The following THADA variants were observed in gnomAD, a reference collection of about 807,000 sequenced individuals.
THADA encodes THADA armadillo repeat containing.
THADA carries 213 observed loss-of-function variants against 219.8 expected under a neutral mutation model. That is an observed-to-expected ratio of 0.97 (90% CI 0.87 to 1.09). The LOEUF (loss-of-function observed/expected upper bound fraction) is 1.09. THADA is among the 50% of genes least tolerant of loss of function. THADA has a pLI of 0.00. For missense variants in THADA, 2,956 were observed against 2,311.3 expected (o/e 1.28, Z -5.72); for synonymous variants, 1,018 against 828.9 (o/e 1.23, Z -3.92).
intron 26 of THADA, among the ~76,000 whole-genome samples, chr2:43,463,493 T>C (rs1023944319): frequency 6.6e-6 from 1 of 152,248 alleles, no homozygotes; most frequent in Non-Finnish European, 1.5e-5. Flanking sequence ...ATGTTTGTTC[T>C]AGCTGTTCTA....
Position 43,308,758 on chromosome 2 carries a change from C to CAAAAA in THADA, c.4438+11683_4438+11687dup, listed in dbSNP as rs57697839. Among the ~76,000 whole-genome samples the CAAAAA allele has an allele frequency of 8.1e-4, 41 of 50,864 alleles. 14 individuals carry two copies. Among genetic ancestry groups the CAAAAA allele is most frequent in the East Asian group, 2.2e-3 (2 of 910 alleles). The allele number at this position is 50,864 out of a possible 152,430, so 33.4% of individuals were successfully genotyped here. On this transcript the variant is annotated intron_variant, in intron 31 of 37. Transcript: ENST00000405975. ...GTGCTGAAACATTGGATACCCATACCAAAAAAAAAAAAAAAAAAAAAAAAA... is the reference window on the plus strand; with the variant it reads ...GTGCTGAAACATTGGATACCCATACCAAAAAAAAAAAAAAAAAAAAAAAAAAAAAA...
chr2:43,501,969 T>A (rs6544664), intron 24 of THADA, among the ~76,000 whole-genome samples: 21,469 of 151,796 alleles, frequency 0.14, 2,034 homozygotes, highest in African/African-American at 0.27. Context: ...AAAATAAAAC[T>A]GTGGTTTTGC....
intron 36 of THADA, among the ~76,000 whole-genome samples, chr2:43,268,486 TG>T (rs1479005617): frequency 6.6e-6 from 1 of 152,178 alleles, no homozygotes; most frequent in Non-Finnish European, 1.5e-5. Context: ...TGAGAGGTCT[TG>T]CCATGGGGAC....
chr2:43,488,463 T>TAG, intron 25 of THADA, among the ~76,000 whole-genome samples: 1 of 152,188 alleles, frequency 6.6e-6, no homozygotes, highest in Non-Finnish European at 1.5e-5. Context: ...TTCTTTCACC[T>TAG]AGCATAATGT....
intron 30 of THADA, among the ~76,000 whole-genome samples, chr2:43,322,938 G>A (rs1186409748): frequency 5.3e-5 from 8 of 151,724 alleles, no homozygotes; most frequent in African/African-American, 1.9e-4. Flanking sequence ...CACCTGCCTC[G>A]GCCTCCCAAA....
At chr2:43,459,480 C>T (rs1449991314) in intron 26 of THADA, among the ~76,000 whole-genome samples, 1 of 152,090 alleles carries the variant, frequency 6.6e-6, no homozygotes, top group Non-Finnish European at 1.5e-5. Flanking sequence ...AGATAAAACA[C>T]TGAATGAGGC....
At chr2:43,375,389 T>C (rs1013796444) in intron 29 of THADA, among the ~76,000 whole-genome samples, 2 of 152,230 alleles carry the variant, frequency 1.3e-5, no homozygotes, top group African/African-American at 2.4e-5. Flanking sequence ...GATCACAAAC[T>C]GTATACCAAG....
At chr2:43,487,430 T>G (rs1687047426) in intron 25 of THADA, among the ~76,000 whole-genome samples, 1 of 152,326 alleles carries the variant, frequency 6.6e-6, no homozygotes, top group South Asian at 2.1e-4. Flanking sequence ...TGTAGAGGAC[T>G]ATTTTACAAA....
intron 21 of THADA, among the ~76,000 whole-genome samples, chr2:43,533,123 A>G (rs1694104499): frequency 1.3e-5 from 2 of 152,254 alleles, no homozygotes; most frequent in Admixed American, 1.3e-4. Context: ...TATGCAGCTA[A>G]CAAATATATG....
chr2:43,361,745 T>C (rs1411878033), intron 29 of THADA, among the ~76,000 whole-genome samples: 1 of 152,256 alleles, frequency 6.6e-6, no homozygotes, highest in East Asian at 1.9e-4. Context: ...GGATAAATTA[T>C]GATTATCCCT....
At chr2:43,468,596 C>T (rs1243841276) in intron 26 of THADA, among the ~76,000 whole-genome samples, 1 of 152,146 alleles carries the variant, frequency 6.6e-6, no homozygotes, top group Admixed American at 6.5e-5. Context: ...CTCACTGCTA[C>T]CAAAGCTACT....
chr2:43,525,899 G>C (rs1693111465), intron 22 of THADA, among the ~76,000 whole-genome samples: 1 of 152,144 alleles, frequency 6.6e-6, no homozygotes, highest in South Asian at 2.1e-4. Context: ...CATCACCTCA[G>C]ATCTACTTTG....
intron 26 of THADA, among the ~76,000 whole-genome samples, chr2:43,465,318 C>G (rs917457047): frequency 6.6e-6 from 1 of 152,148 alleles, no homozygotes; most frequent in African/African-American, 2.4e-5. Flanking sequence ...CATTATTTCT[C>G]CAGTTACATT....
Position 43,248,237 on chromosome 2 carries a change from AGAGAGAGAGAGAGACGGAGTCTCG to A in THADA, c.5297-15379_5297-15356del, listed in dbSNP as rs1669459918. Among the ~76,000 whole-genome samples the A allele has an allele frequency of 2.0e-5, 3 of 146,566 alleles. No homozygotes were observed. The South Asian group carries it at 6.6e-4, about 32-fold the overall frequency. ...GAGACAGAGAGAGAGAGAGACAGAG[AGAGAGAGAGAGAGACGGAGTCTCG>A]CTCTGTCACCCAGGCTGGAGTGCAG... On this transcript the variant is annotated intron_variant, in intron 36 of 37. Coordinates refer to ENST00000405975, the MANE Select transcript of THADA (RefSeq NM_022065.5).
chr2:43,454,419 G>A lies in THADA; in HGVS notation c.3837-24117C>T, dbSNP rs142037033. Reference sequence around the variant, plus strand: ...AGTTCAAGACCAGCCTGGGCAACATGGTGAAAACCCATCTCTACAAAAAAA... The same window carrying A: ...AGTTCAAGACCAGCCTGGGCAACATAGTGAAAACCCATCTCTACAAAAAAA... On this transcript the variant is annotated intron_variant, in intron 26 of 37. Transcript: ENST00000405975. Among the ~76,000 whole-genome samples, 434 of 152,116 alleles carry A rather than the reference G, an allele frequency of 2.9e-3. 3 individuals are homozygous for A. The highest frequency in any genetic ancestry group is 1.0e-2 in the African/African-American group (414 of 41,512).
intron 36 of THADA, among the ~76,000 whole-genome samples, chr2:43,255,524 A>T (rs565057180): frequency 1.7e-3 from 260 of 152,274 alleles, no homozygotes; most frequent in African/African-American, 6.1e-3. Context: ...AAGGTGAAGG[A>T]TTAAACAGAA....
At chr2:43,585,025 T>A (rs1700859872) in intron 7 of THADA, among the ~76,000 whole-genome samples, 1 of 152,154 alleles carries the variant, frequency 6.6e-6, no homozygotes, top group Non-Finnish European at 1.5e-5. Flanking sequence ...AAGACAATGG[T>A]TTGGAAGAGT....
intron 26 of THADA, among the ~76,000 whole-genome samples, chr2:43,443,959 CCA>C (rs59128235): frequency 0.17 from 25,100 of 152,062 alleles, 2,967 homozygotes; most frequent in African/African-American, 0.33. Context: ...TCCACAGAGC[CCA>C]CAGCCAGGGC....
chr2:43,553,842 T>C (rs1318357872), intron 17 of THADA, among the ~76,000 whole-genome samples: 2 of 152,232 alleles, frequency 1.3e-5, no homozygotes, highest in Non-Finnish European at 2.9e-5. Context: ...CTCACTGTGA[T>C]TTTGATTTGC....
Sources: gnomAD v4.1 joint callset for allele counts (sites outside exome capture counted in the v4.1 genomes callset) on GRCh38, gnomAD v4.1.1 for gene constraint, MANE v1.5 for transcripts, NCBI Gene and HGNC (gene_info 2026-07-23, HGNC 2026-07-21) for gene names.